SLC44A5: variants seen among roughly 807,000 people sequenced by gnomAD.
The protein encoded by SLC44A5 is choline transporter-like protein 5.
In SLC44A5, 57 loss-of-function variants were observed where a neutral mutation model predicts 101.8. The observed-to-expected ratio is 0.56, with a 90% CI of 0.45 to 0.70. The LOEUF (loss-of-function observed/expected upper bound fraction) is 0.70. Ranked by LOEUF, SLC44A5 falls within the 30% of genes least tolerant of loss-of-function variation. The pLI is 0.00. For synonymous variants in SLC44A5, 281 were observed against 290.9 expected (o/e 0.97, Z 0.35); for missense variants, 737 against 853.1 (o/e 0.86, Z 1.70).
chr1:75,614,944 G>A (rs963107511), upstream of SLC44A5, among the ~76,000 whole-genome samples: 2 of 152,088 alleles, frequency 1.3e-5, no homozygotes, highest in Non-Finnish European at 2.9e-5. Flanking sequence ...CGACCTCTGC[G>A]AGTCCGCGCT....
chr1:75,433,029 T>A (rs1402303669), intron 2 of SLC44A5, among the ~76,000 whole-genome samples: 5 of 152,092 alleles, frequency 3.3e-5, no homozygotes, highest in African/African-American at 1.2e-4. Context: ...TTTTCATTTT[T>A]GTAGCCTCAG....
At chr1:75,525,778 T>C (rs938609472) in intron 2 of SLC44A5, among the ~76,000 whole-genome samples, 4 of 152,162 alleles carry the variant, frequency 2.6e-5, no homozygotes, top group African/African-American at 9.7e-5. Context: ...ATATGAAATA[T>C]TATGGTAAAT....
intron 7 of SLC44A5, among the ~76,000 whole-genome samples, chr1:75,247,986 T>A (rs941779594): frequency 9.9e-5 from 15 of 151,620 alleles, no homozygotes; most frequent in South Asian, 2.1e-4. Flanking sequence ...AAGGGAAAAA[T>A]TTTTTAAGAT....
At chr1:75,283,482 G>A (rs908808802) in intron 5 of SLC44A5, among the ~76,000 whole-genome samples, 9 of 151,970 alleles carry the variant, frequency 5.9e-5, no homozygotes, top group African/African-American at 2.2e-4. Flanking sequence ...TTCTTTTTCT[G>A]TGCAGAAGCT....
intron 2 of SLC44A5, among the ~76,000 whole-genome samples, chr1:75,496,610 CAA>C (rs113836655): frequency 4.6e-5 from 6 of 129,584 alleles, no homozygotes; most frequent in East Asian, 4.5e-4. Flanking sequence ...ACAACAACAA[CAA>C]AAAAAAAAAC....
At chr1:75,240,731 G>C (rs1449288619) in intron 9 of SLC44A5, among the ~76,000 whole-genome samples, 2 of 151,970 alleles carry the variant, frequency 1.3e-5, no homozygotes, top group South Asian at 2.1e-4. Flanking sequence ...GTATTTGACT[G>C]TCTACTCAAA....
chr1:75,411,394 T>C (rs1014141943), intron 2 of SLC44A5, among the ~76,000 whole-genome samples: 2 of 152,118 alleles, frequency 1.3e-5, no homozygotes, highest in Non-Finnish European at 2.9e-5. Context: ...TATTTTCACC[T>C]GCCTTTGGAG....
At chr1:75,426,361 G>T (rs148730459) in intron 2 of SLC44A5, among the ~76,000 whole-genome samples, 9 of 152,284 alleles carry the variant, frequency 5.9e-5, no homozygotes, top group African/African-American at 2.2e-4. Context: ...AATGGTTATT[G>T]CTGAAATTGG....
chr1:75,624,223 C>A, the SLC44A5 span, among the ~76,000 whole-genome samples: 1 of 151,886 alleles, frequency 6.6e-6, no homozygotes, highest in Non-Finnish European at 1.5e-5. Context: ...ATGTGTAAGT[C>A]CATAGTGATA....
chr1:75,405,184 C>A (rs1271475755), intron 2 of SLC44A5, among the ~76,000 whole-genome samples: 1 of 152,132 alleles, frequency 6.6e-6, no homozygotes, highest in Non-Finnish European at 1.5e-5. Flanking sequence ...CAGGAGCACC[C>A]AGATTCATAA....
the SLC44A5 span, among the ~76,000 whole-genome samples, chr1:75,633,918 T>C: frequency 2.0e-5 from 3 of 151,260 alleles, no homozygotes; most frequent in Non-Finnish European, 4.4e-5. Flanking sequence ...TTATTGAGAG[T>C]TCTTAGCATG....
At chr1:75,688,712 C>A in the SLC44A5 span, among the ~76,000 whole-genome samples, 1 of 152,164 alleles carries the variant, frequency 6.6e-6, no homozygotes, top group African/African-American at 2.4e-5. Flanking sequence ...CAGTGATCAT[C>A]TCTTTAAAAG....
intron 4 of SLC44A5, among the ~76,000 whole-genome samples, chr1:75,325,395 C>T (rs921157888): frequency 1.3e-5 from 2 of 152,046 alleles, no homozygotes; most frequent in East Asian, 3.9e-4. Context: ...TAAAAAAACA[C>T]AATTATAGCA....
At chr1:75,267,822 C>G (rs540440748) in intron 6 of SLC44A5, among the ~76,000 whole-genome samples, 1 of 152,210 alleles carries the variant, frequency 6.6e-6, no homozygotes, top group South Asian at 2.1e-4. Flanking sequence ...TGGCTCGCCT[C>G]GGCTTCCCAA....
chr1:75,451,663 T>C (rs1019731535), intron 2 of SLC44A5, among the ~76,000 whole-genome samples: 15 of 152,084 alleles, frequency 9.9e-5, no homozygotes, highest in Non-Finnish European at 1.6e-4. Context: ...TTGCATTCTG[T>C]CTTCTGAAAT....
chr1:75,264,630 G>A (rs1226199197), intron 6 of SLC44A5, among the ~76,000 whole-genome samples: 1 of 152,056 alleles, frequency 6.6e-6, no homozygotes, highest in Non-Finnish European at 1.5e-5. Flanking sequence ...AAAACTGATG[G>A]AATAGAGAAA....
At chr1:75,310,398 A>G (rs1459756193) in intron 4 of SLC44A5, among the ~76,000 whole-genome samples, 1 of 152,164 alleles carries the variant, frequency 6.6e-6, no homozygotes, top group Non-Finnish European at 1.5e-5. Context: ...GAATCTCTTC[A>G]AAGAGTCTTT....
chr1:75,674,464 A>G, the SLC44A5 span, among the ~76,000 whole-genome samples: 5 of 151,876 alleles, frequency 3.3e-5, no homozygotes, highest in African/African-American at 1.2e-4. Flanking sequence ...ACTGCAACCT[A>G]TGCCTCCCGT....
chr1:75,710,953 T>C, the SLC44A5 span, among the ~76,000 whole-genome samples: 1 of 152,210 alleles, frequency 6.6e-6, no homozygotes, highest in African/African-American at 2.4e-5. Flanking sequence ...TCTTTACTCA[T>C]TTTCTCTCTA....
Sources: allele counts gnomAD v4.1 joint callset (sites outside exome capture counted in the v4.1 genomes callset), GRCh38; gene constraint gnomAD v4.1.1; transcripts MANE v1.5; gene names NCBI Gene and HGNC (gene_info 2026-07-23, HGNC 2026-07-21).